The following IL23R variants were observed in gnomAD, a reference collection of about 807,000 sequenced individuals.
IL23R encodes the protein interleukin 23 receptor, also known as interleukin-23 receptor.
IL23R carries 34 observed loss-of-function variants against 56.9 expected under a neutral mutation model. The ratio of observed to expected loss-of-function variants is 0.60; its 90% CI spans 0.45 to 0.80. The LOEUF (loss-of-function observed/expected upper bound fraction) is 0.80. Among genes scored for constraint, IL23R ranks in the 30% least tolerant of loss-of-function variants. The pLI is 0.00. For missense variants in IL23R, 635 were observed against 730.0 expected (o/e 0.87, Z 1.50); for synonymous variants, 230 against 249.2 (o/e 0.92, Z 0.73).
At chr1:67,251,109 G>A (rs780609938) in intron 9 of IL23R, among the ~76,000 whole-genome samples, 27 of 152,032 alleles carry the variant, frequency 1.8e-4, no homozygotes, top group Admixed American at 7.9e-4. Context: ...TAATTCAGTC[G>A]ACTGAGAAGA....
At chr1:67,201,026 C>T in intron 5 of IL23R, 129 bp downstream of exon 5, 1 of 914,188 alleles carries the variant, frequency 1.1e-6, no homozygotes, top group Non-Finnish European at 1.7e-6. Context: ...ACAGAAATTA[C>T]CCATAATTCT....
chr1:67,260,680 A>G (rs1653176018), downstream of IL23R, among the ~76,000 whole-genome samples: 2 of 152,216 alleles, frequency 1.3e-5, no homozygotes, highest in Admixed American at 1.3e-4. Context: ...TACCCAGCAG[A>G]CTATTGTGAT....
At chr1:67,255,171 C>T (rs1193097690) in intron 9 of IL23R, among the ~76,000 whole-genome samples, 1 of 152,098 alleles carries the variant, frequency 6.6e-6, no homozygotes, top group East Asian at 1.9e-4. Flanking sequence ...TACAAAATAT[C>T]CCTTAAGTTT....
chr1:67,166,712 A>C (rs536035801), intron 1 of IL23R, among the ~76,000 whole-genome samples, 171 bp downstream of exon 1: 1 of 152,212 alleles, frequency 6.6e-6, no homozygotes, highest in African/African-American at 2.4e-5. Context: ...AATAATAATT[A>C]TTGCATATTT....
chr1:67,180,840 G>T (rs988754511), intron 3 of IL23R, among the ~76,000 whole-genome samples: 7 of 152,114 alleles, frequency 4.6e-5, no homozygotes, highest in Non-Finnish European at 7.3e-5. Flanking sequence ...CTCAGCATTT[G>T]CTTGTCTGTA....
At chr1:67,219,290 C>T (rs1650084665) in intron 6 of IL23R, among the ~76,000 whole-genome samples, 1 of 152,010 alleles carries the variant, frequency 6.6e-6, no homozygotes, top group African/African-American at 2.4e-5. Context: ...ATCGCTTGAA[C>T]CCGGGAGGCG....
At chr1:67,163,179 A>T (rs929384647), upstream of IL23R, among the ~76,000 whole-genome samples, 1 of 152,086 alleles carries the variant, frequency 6.6e-6, no homozygotes, top group Non-Finnish European at 1.5e-5. Context: ...GAGTCAAAAG[A>T]TGTATGTGGC....
rs761018723 is a variant in IL23R, at chr1:67,259,874, G to A, written c.*746G>A. 1 of 140,344 alleles carries A rather than the reference G, an allele frequency of 7.1e-6. No homozygotes were observed. Among genetic ancestry groups the A allele is most frequent in the Non-Finnish European group, 1.5e-5 (1 of 66,424 alleles). The allele number at this position is 140,344 out of a possible 1,614,324, so 8.7% of individuals were successfully genotyped here. On this transcript the variant is annotated 3_prime_UTR_variant, in exon 11 of 11. Coordinates refer to ENST00000347310, the MANE Select transcript of IL23R (RefSeq NM_144701.3). ...AGCTACTTGGGAGGCTGAGGCAGGA[G>A]AATCACTTGAACCAGGAAGGCAGAG...
At chr1:67,253,984 T>C (rs2100381010) in intron 9 of IL23R, among the ~76,000 whole-genome samples, 1 of 152,272 alleles carries the variant, frequency 6.6e-6, no homozygotes, top group African/African-American at 2.4e-5. Flanking sequence ...ATACTTTTAT[T>C]TAATACAACT....
intron 1 of IL23R, among the ~76,000 whole-genome samples, chr1:67,139,819 G>A (rs1268721571): frequency 6.6e-6 from 1 of 152,172 alleles, no homozygotes; most frequent in Non-Finnish European, 1.5e-5. Flanking sequence ...TGTCCTACAG[G>A]AAAGACCCAC....
At chr1:67,260,959 A>G (rs547543391), downstream of IL23R, among the ~76,000 whole-genome samples, 6 of 152,312 alleles carry the variant, frequency 3.9e-5, no homozygotes, top group East Asian at 1.2e-3. Flanking sequence ...TTTCTCCTCC[A>G]ACAGTTGTCA....
At chr1:67,222,305 C>CG (rs1244989165) in intron 7 of IL23R, among the ~76,000 whole-genome samples, 5 of 151,420 alleles carry the variant, frequency 3.3e-5, no homozygotes, top group Non-Finnish European at 7.4e-5. Flanking sequence ...TTAATAGAGG[C>CG]GGGGTTTCAC....
Position 67,248,977 on chromosome 1 carries a change from C to G in IL23R, c.1149-6860C>G, listed in dbSNP as rs12061497. Among the ~76,000 whole-genome samples, 456 of 152,248 alleles carry G rather than the reference C, an allele frequency of 3.0e-3. 5 individuals are homozygous for G. Among genetic ancestry groups the G allele is most frequent in the African/African-American group, 0.01 (418 of 41,568 alleles). The stretch of plus-strand genomic sequence containing the variant: ...GATGCCCCACCCTGCTTCAGCCCCC[C>G]CTCCATGAGCTGTACCCACTATCCA... On this transcript the variant is annotated intron_variant, in intron 9 of 10. Coordinates refer to ENST00000347310, the MANE Select transcript of IL23R (RefSeq NM_144701.3).
At chr1:67,154,766 T>A (rs1224726865) in intron 1 of IL23R, among the ~76,000 whole-genome samples, 2 of 152,220 alleles carry the variant, frequency 1.3e-5, no homozygotes. Flanking sequence ...TGTCTTTTAA[T>A]TGGGGCATTT....
chr1:67,243,499 C>G (rs1462085387), intron 9 of IL23R, among the ~76,000 whole-genome samples: 1 of 152,006 alleles, frequency 6.6e-6, no homozygotes, highest in Non-Finnish European at 1.5e-5. Flanking sequence ...GTGATGTTCC[C>G]CTCCTTGTGT....
chr1:67,260,660 T>A (rs983685850), downstream of IL23R, among the ~76,000 whole-genome samples: 1 of 152,176 alleles, frequency 6.6e-6, no homozygotes, highest in Non-Finnish European at 1.5e-5. Context: ...TATTTTAAGC[T>A]GAGAAATGTT....
rs543132770 is a variant in IL23R at position 67,171,685 on chromosome 1, T to C, written c.367+2047T>C. On this transcript the variant is annotated intron_variant, in intron 3 of 10. Transcript: ENST00000347310. ...AAAACTAGTCTGTGGGAGTTTTACC[T>C]GCTTCCTTAAAGTTTCAGCTTGGTT... Among the ~76,000 whole-genome samples, 358 of 152,352 alleles carry C rather than the reference T, an allele frequency of 2.3e-3. 3 individuals are homozygous for C. Among genetic ancestry groups the C allele is most frequent in the African/African-American group, 8.1e-3 (338 of 41,594 alleles).
intron 4 of IL23R, 105 bp downstream of exon 4, chr1:67,183,064 T>C: frequency 8.1e-7 from 1 of 1,233,294 alleles, no homozygotes; most frequent in East Asian, 2.5e-5. Flanking sequence ...ATTAAATATA[T>C]ACCCTGATTT....
intron 1 of IL23R, among the ~76,000 whole-genome samples, chr1:67,149,742 G>A (rs1646711993): frequency 1.3e-5 from 2 of 152,192 alleles, no homozygotes; most frequent in African/African-American, 4.8e-5. Flanking sequence ...AATTAAATCC[G>A]TAAGTTGAAA....
Sources: allele counts gnomAD v4.1 joint callset (sites outside exome capture counted in the v4.1 genomes callset), GRCh38; gene constraint gnomAD v4.1.1; transcripts MANE v1.5; gene names NCBI Gene and HGNC (gene_info 2026-07-23, HGNC 2026-07-21).